Variants in NCAM2 observed in about 807,000 individuals in gnomAD.
The protein encoded by NCAM2 is neural cell adhesion molecule 2.
In NCAM2, 30 loss-of-function variants were observed where a neutral mutation model predicts 98.1. That is an observed-to-expected ratio of 0.31 (90% CI 0.23 to 0.41). The LOEUF (loss-of-function observed/expected upper bound fraction) is 0.41. Ranked by LOEUF, NCAM2 falls within the 10% of genes least tolerant of loss-of-function variation. The pLI, the probability that NCAM2 is intolerant of heterozygous loss-of-function variation, is 1.00. For missense variants in NCAM2, 867 were observed against 1,005.8 expected (o/e 0.86, Z 1.87); for synonymous variants, 368 against 342.4 (o/e 1.07, Z -0.83).
chr21:21,286,511 GACCC>G, intron 4 of NCAM2, 99 bp downstream of exon 4: 2 of 1,306,834 alleles, frequency 1.5e-6, no homozygotes, highest in Non-Finnish European at 2.1e-6. Flanking sequence ...TTGAATTTTT[GACCC>G]CAAATATTCA....
intron 8 of NCAM2, among the ~76,000 whole-genome samples, chr21:21,353,632 G>T (rs955644684): frequency 1.3e-5 from 2 of 152,136 alleles, no homozygotes; most frequent in Admixed American, 6.5e-5. Context: ...TAGAAATATA[G>T]ATTTCTTATA....
At chr21:21,533,325 T>C (rs942525548) in intron 16 of NCAM2, among the ~76,000 whole-genome samples, 1 of 151,954 alleles carries the variant, frequency 6.6e-6, no homozygotes, top group Non-Finnish European at 1.5e-5. Flanking sequence ...GACTTTATTA[T>C]TGTCATTATG....
At chr21:21,093,557 C>T (rs1182583366) in intron 1 of NCAM2, among the ~76,000 whole-genome samples, 1 of 151,918 alleles carries the variant, frequency 6.6e-6, no homozygotes, top group Non-Finnish European at 1.5e-5. Context: ...ACTATTTTTC[C>T]ATCTTTAAAA....
intron 1 of NCAM2, among the ~76,000 whole-genome samples, chr21:21,148,792 G>A (rs951200997): frequency 1.3e-4 from 20 of 152,080 alleles, no homozygotes; most frequent in African/African-American, 4.8e-4. Flanking sequence ...GGAGAATTAG[G>A]AAATTAACAG....
chr21:21,068,006 GAAAT>G (rs1432762092), intron 1 of NCAM2, among the ~76,000 whole-genome samples: 15 of 151,892 alleles, frequency 9.9e-5, no homozygotes, highest in Non-Finnish European at 2.9e-5. Context: ...CTTGATGAAA[GAAAT>G]AACTTTCTGA....
chr21:21,309,830 G>A (rs1422148831), intron 5 of NCAM2, among the ~76,000 whole-genome samples: 1 of 116,502 alleles, frequency 8.6e-6, no homozygotes, highest in East Asian at 2.4e-4. Flanking sequence ...GACACAGCAG[G>A]ACTCACCTCA....
chr21:21,434,232 A>G (rs989929163), intron 12 of NCAM2, among the ~76,000 whole-genome samples: 1 of 152,244 alleles, frequency 6.6e-6, no homozygotes, highest in Non-Finnish European at 1.5e-5. Context: ...ATATAAGTAC[A>G]TACTTTACCT....
At position 21,395,085 on chromosome 21, in the gene NCAM2, A is replaced by T. The variant is rs560986803; in HGVS notation, c.1196-15189A>T. On this transcript the variant is annotated intron_variant, in intron 9 of 17. Coordinates refer to ENST00000400546, the MANE Select transcript of NCAM2 (RefSeq NM_004540.5). ...GGTGGCTCACACCTGTAATCCCAAC[A>T]CTTTGGCAGGCCGAGGTAGGTGGAT... Among the ~76,000 whole-genome samples, 26 of 152,292 alleles carry T rather than the reference A, an allele frequency of 1.7e-4. No individual in the cohort carries two copies. The South Asian group carries it at 5.0e-3, about 29-fold the overall frequency.
chr21:21,330,926 T>A (rs1037709562), intron 6 of NCAM2, among the ~76,000 whole-genome samples: 49 of 152,310 alleles, frequency 3.2e-4, no homozygotes, highest in African/African-American at 9.9e-4. Context: ...TAATATCTAA[T>A]GTTTTTAATC....
intron 16 of NCAM2, among the ~76,000 whole-genome samples, chr21:21,521,617 G>T (rs1198033734): frequency 6.6e-6 from 1 of 152,166 alleles, no homozygotes; most frequent in Non-Finnish European, 1.5e-5. Flanking sequence ...GTCTTTGATA[G>T]GCTTATTAGA....
At chr21:21,378,493 A>G (rs1183489601) in intron 9 of NCAM2, among the ~76,000 whole-genome samples, 5 of 152,052 alleles carry the variant, frequency 3.3e-5, no homozygotes, top group Non-Finnish European at 7.4e-5. Flanking sequence ...TATCAATTAA[A>G]GATAATTTGC....
At chr21:21,159,614 TATACC>T (rs1214527975) in intron 1 of NCAM2, among the ~76,000 whole-genome samples, 5 of 152,262 alleles carry the variant, frequency 3.3e-5, no homozygotes, top group African/African-American at 9.6e-5. Flanking sequence ...AGCAATAAGT[TATACC>T]ATATAGGCTA....
chr21:21,048,855 T>A (rs1003773057), intron 1 of NCAM2, among the ~76,000 whole-genome samples: 6 of 152,170 alleles, frequency 3.9e-5, no homozygotes, highest in Non-Finnish European at 1.5e-5. Context: ...ATTTTTTAGA[T>A]CTGTGTATCA....
intron 8 of NCAM2, among the ~76,000 whole-genome samples, chr21:21,340,905 T>C (rs546085635): frequency 6.6e-6 from 1 of 152,188 alleles, no homozygotes; most frequent in African/African-American, 2.4e-5. Flanking sequence ...ATGAATTTTT[T>C]CATCTTTAAA....
chr21:21,311,532 G>A (rs1259589984), intron 5 of NCAM2, among the ~76,000 whole-genome samples: 2 of 151,834 alleles, frequency 1.3e-5, no homozygotes, highest in African/African-American at 2.4e-5. Context: ...TAGTGGAGAC[G>A]GGGTTTCACC....
At chr21:21,510,489 C>T (rs553792700) in intron 16 of NCAM2, among the ~76,000 whole-genome samples, 1 of 152,150 alleles carries the variant, frequency 6.6e-6, no homozygotes, top group South Asian at 2.1e-4. Context: ...GTATTAGGAC[C>T]ATTCATGTTT....
At chr21:21,222,865 C>A (rs2070226623) in intron 1 of NCAM2, among the ~76,000 whole-genome samples, 2 of 152,198 alleles carry the variant, frequency 1.3e-5, no homozygotes, top group Admixed American at 1.3e-4. Flanking sequence ...AACATTGAAT[C>A]CTATAGAGAA....
At chr21:21,180,752 A>T (rs1244993931) in intron 1 of NCAM2, among the ~76,000 whole-genome samples, 2 of 152,202 alleles carry the variant, frequency 1.3e-5, no homozygotes, top group East Asian at 3.9e-4. Flanking sequence ...AAAGCACTCT[A>T]AAACAATACC....
chr21:21,386,536 A>T (rs188225117), intron 9 of NCAM2, among the ~76,000 whole-genome samples: 45 of 152,338 alleles, frequency 3.0e-4, no homozygotes, highest in Admixed American at 1.5e-3. Context: ...CATCCAGAAG[A>T]TAAAAAGAAC....
Sources: gnomAD v4.1 joint callset for allele counts (sites outside exome capture counted in the v4.1 genomes callset) on GRCh38, gnomAD v4.1.1 for gene constraint, MANE v1.5 for transcripts, NCBI Gene and HGNC (gene_info 2026-07-23, HGNC 2026-07-21) for gene names.